KDM4C: variants seen among roughly 807,000 people sequenced by gnomAD.
The protein encoded by KDM4C is lysine demethylase 4C.
In KDM4C, 81 loss-of-function variants were observed where a neutral mutation model predicts 129.3. The ratio of observed to expected loss-of-function variants is 0.63; its 90% CI spans 0.52 to 0.75. The LOEUF is 0.75. KDM4C is among the 30% of genes least tolerant of loss of function. The probability of loss-of-function intolerance (pLI) is 0.00; values close to 1 mark genes in which losing one functional copy is unlikely to be tolerated. For synonymous variants in KDM4C, 573 were observed against 456.1 expected, an observed-to-expected ratio of 1.26 and a Z score of -3.26; for missense variants, 1,457 against 1,304.0, an observed-to-expected ratio of 1.12 and a Z score of -1.81.
rs768686193 is a variant in KDM4C at position 6,906,420 on chromosome 9, A to G, written c.921+13188A>G. Among the ~76,000 whole-genome samples the G allele has an allele frequency of 8.5e-5, 13 of 152,160 alleles. No homozygotes were observed. The South Asian group carries it at 1.5e-3, about 17-fold the overall frequency. On this transcript the variant is annotated intron_variant, in intron 8 of 21. Transcript: ENST00000381309. ...ACCTGTTGTTGTCTCAATAGAGTCT[A>G]TGGGCGAATTGGGAGATTAGTGACT...
At chr9:7,171,723 C>T (rs1274050041) in intron 21 of KDM4C, among the ~76,000 whole-genome samples, 3 of 152,108 alleles carry the variant, frequency 2.0e-5, no homozygotes, top group Non-Finnish European at 4.4e-5. Context: ...GCTCAGATAC[C>T]AGGATGCCTT....
At chr9:6,889,448 G>A (rs552533149) in intron 7 of KDM4C, among the ~76,000 whole-genome samples, 1 of 152,188 alleles carries the variant, frequency 6.6e-6, no homozygotes, top group African/African-American at 2.4e-5. Context: ...CCTCCGAGAT[G>A]TGCACCGTGG....
intron 8 of KDM4C, among the ~76,000 whole-genome samples, chr9:6,910,316 C>G (rs1337058870): frequency 6.6e-6 from 1 of 152,064 alleles, no homozygotes. Flanking sequence ...TACTTTGTGT[C>G]AGGCATAAGG....
At chr9:6,753,625 C>T (rs536955550), upstream of KDM4C, among the ~76,000 whole-genome samples, 16 of 152,040 alleles carry the variant, frequency 1.1e-4, 1 homozygote, top group South Asian at 3.3e-3. Flanking sequence ...GTTCTAGAAG[C>T]TAGAAAGTCC....
chr9:6,757,518 G>A, upstream of KDM4C: 6 of 599,190 alleles, frequency 1.0e-5, no homozygotes, highest in Non-Finnish European at 1.3e-5. Context: ...GGTGAAGGGA[G>A]AACGGGAACA....
intron 21 of KDM4C, among the ~76,000 whole-genome samples, chr9:7,174,178 G>C (rs992266299): frequency 2.6e-5 from 4 of 152,228 alleles, no homozygotes; most frequent in African/African-American, 7.2e-5. Flanking sequence ...TTTCAGGGAA[G>C]GGGTGGGGCA....
chr9:6,838,687 C>T (rs1022148350), intron 4 of KDM4C, among the ~76,000 whole-genome samples: 14 of 151,946 alleles, frequency 9.2e-5, no homozygotes, highest in East Asian at 7.7e-4. Flanking sequence ...GCTGTAAAAT[C>T]GTAGGTATTT....
chr9:7,117,626 T>TACACAC (rs71315578), intron 18 of KDM4C, among the ~76,000 whole-genome samples: 10,005 of 146,936 alleles, frequency 0.068, 443 homozygotes, highest in Non-Finnish European at 0.1. Context: ...TGTTAATTTC[T>TACACAC]ACACACACAC....
At position 7,103,838 on chromosome 9, in the gene KDM4C, A is replaced by T. The variant is rs978462376; in HGVS notation, c.2578A>T (p.Thr860Ser). 3 of 1,613,858 alleles carry T rather than the reference A, an allele frequency of 1.9e-6. No homozygotes were observed. Among genetic ancestry groups the T allele is most frequent in the African/African-American group, 1.3e-5 (1 of 74,894 alleles). The stretch of plus-strand genomic sequence containing the variant: ...TGACTGGCCTTATGTGGTGAACATT[A>T]CATGCTTTCGACATAAGGTCAACCC... ...PDDWPYVVNITCFRHKVNPNV... is the reference protein window; with the variant it reads ...PDDWPYVVNISCFRHKVNPNV... The change falls in exon 18 of 22, where the codon ACA becomes TCA. Residue 860 changes from threonine to serine, a missense_variant. Transcript: ENST00000381309.
At chr9:7,016,354 C>T (rs1823677774) in intron 15 of KDM4C, among the ~76,000 whole-genome samples, 3 of 150,882 alleles carry the variant, frequency 2.0e-5, no homozygotes, top group African/African-American at 2.4e-5. Context: ...GTCTCGATCT[C>T]CTGACCTTGT....
rs1030147602 is a variant in KDM4C, at chr9:6,835,001, C to T, written c.436-14506C>T. 76 of 952,632 alleles carry T rather than the reference C, an allele frequency of 8.0e-5. No homozygotes were observed. In the Admixed American group the frequency reaches 1.1e-3, roughly 14 times the overall value. 59.0% of individuals were successfully genotyped at this position (952,632 alleles called of 1,614,324 possible). On this transcript the variant is annotated intron_variant, in intron 4 of 21. Coordinates refer to ENST00000381309, the MANE Select transcript of KDM4C (RefSeq NM_015061.6). Reference sequence around the variant, plus strand: ...CATCCTGCATCTGGACCTGGCTGGCCGGGACCTGACTACCTCATGAAGATC... The same window carrying T: ...CATCCTGCATCTGGACCTGGCTGGCTGGGACCTGACTACCTCATGAAGATC...
intron 17 of KDM4C, among the ~76,000 whole-genome samples, chr9:7,062,535 G>T (rs1365931375): frequency 6.6e-6 from 1 of 151,956 alleles, no homozygotes; most frequent in East Asian, 1.9e-4. Context: ...ATACAGGTTT[G>T]CACTACTATT....
At chr9:6,980,355 T>G (rs1338002270) in intron 8 of KDM4C, among the ~76,000 whole-genome samples, 1 of 152,128 alleles carries the variant, frequency 6.6e-6, no homozygotes, top group African/African-American at 2.4e-5. Flanking sequence ...GTGGATATGT[T>G]TGTTGTTGTT....
intron 5 of KDM4C, among the ~76,000 whole-genome samples, chr9:6,859,242 C>T (rs1588747870): frequency 6.6e-6 from 1 of 152,056 alleles, no homozygotes; most frequent in South Asian, 2.1e-4. Context: ...CTTTGGGAGG[C>T]CGAGGCAGGC....
chr9:6,898,371 T>C (rs1816801768), intron 8 of KDM4C, among the ~76,000 whole-genome samples: 1 of 152,110 alleles, frequency 6.6e-6, no homozygotes, highest in Non-Finnish European at 1.5e-5. Flanking sequence ...GCAGTGTATT[T>C]ATTACAGTGT....
At chr9:7,152,860 G>A (rs950769768) in intron 19 of KDM4C, among the ~76,000 whole-genome samples, 1 of 152,118 alleles carries the variant, frequency 6.6e-6, no homozygotes, top group Non-Finnish European at 1.5e-5. Flanking sequence ...AGGCTGGACC[G>A]GCTGCAGGGG....
intron 12 of KDM4C, among the ~76,000 whole-genome samples, chr9:7,002,995 G>A (rs1178502040): frequency 6.6e-6 from 1 of 152,170 alleles, no homozygotes; most frequent in Non-Finnish European, 1.5e-5. Flanking sequence ...CGAGTAACTG[G>A]GACTGCAGGC....
chr9:6,798,865 G>T (rs1162475925), intron 2 of KDM4C, among the ~76,000 whole-genome samples: 1 of 152,014 alleles, frequency 6.6e-6, no homozygotes, highest in African/African-American at 2.4e-5. Flanking sequence ...GCCGGGCGGA[G>T]GGTCTCCTCA....
chr9:6,856,574 G>GTATGTA (rs1564171762), intron 5 of KDM4C, among the ~76,000 whole-genome samples: 2 of 134,226 alleles, frequency 1.5e-5, no homozygotes, highest in Admixed American at 7.3e-5. Flanking sequence ...GTGTGTGTGT[G>GTATGTA]TGTGTGTATT....
Sources: allele counts gnomAD v4.1 joint callset (sites outside exome capture counted in the v4.1 genomes callset), GRCh38; gene constraint gnomAD v4.1.1; transcripts MANE v1.5; gene names NCBI Gene and HGNC (gene_info 2026-07-23, HGNC 2026-07-21).